Variants in DPP10 observed in about 807,000 individuals in gnomAD.
DPP10 encodes inactive dipeptidyl peptidase 10.
In DPP10, 33 loss-of-function variants were observed where a neutral mutation model predicts 120.9. That is an observed-to-expected ratio of 0.27 (90% CI 0.21 to 0.37). The LOEUF is 0.37. Among genes scored for constraint, DPP10 ranks in the 10% least tolerant of loss-of-function variants. DPP10 has a pLI of 1.00. For synonymous variants in DPP10, 337 were observed against 326.1 expected (o/e 1.03, Z -0.36); for missense variants, 816 against 942.8 (o/e 0.87, Z 1.76).
intron 5 of DPP10, among the ~76,000 whole-genome samples, chr2:115,536,822 G>A (rs925468902): frequency 6.6e-6 from 1 of 152,076 alleles, no homozygotes; most frequent in African/African-American, 2.4e-5. Flanking sequence ...CTAAGCTCAA[G>A]TCATTGAGAA....
At chr2:115,581,561 C>T (rs999121850) in intron 5 of DPP10, among the ~76,000 whole-genome samples, 1 of 152,044 alleles carries the variant, frequency 6.6e-6, no homozygotes, top group African/African-American at 2.4e-5. Context: ...AATAACTCTT[C>T]TAAATAAATA....
rs957008143 is a variant in DPP10, at chr2:114,832,895, C to T, written c.60+390057C>T. Among the ~76,000 whole-genome samples, 9 of 151,980 alleles carry T rather than the reference C, an allele frequency of 5.9e-5. No individual in the cohort carries two copies. The South Asian group carries it at 1.2e-3, about 21-fold the overall frequency. The stretch of plus-strand genomic sequence containing the variant: ...AATTTAAGTACTTTAAATGCTTATG[C>T]TTTGAATAAGAATAATTGCCATTTC... On this transcript the variant is annotated intron_variant, in intron 1 of 25. Transcript: ENST00000410059.
chr2:115,408,112 G>A (rs190760787), intron 3 of DPP10, among the ~76,000 whole-genome samples: 1 of 152,098 alleles, frequency 6.6e-6, no homozygotes, highest in Admixed American at 6.5e-5. Flanking sequence ...GCCATCCATG[G>A]GTGTTAAAGT....
At chr2:114,802,488 C>G (rs1168093401) in intron 1 of DPP10, among the ~76,000 whole-genome samples, 5 of 148,106 alleles carry the variant, frequency 3.4e-5, no homozygotes, top group Non-Finnish European at 5.9e-5. Context: ...CTATCCTCTT[C>G]CCTGCTCTCT....
intron 5 of DPP10, among the ~76,000 whole-genome samples, chr2:115,682,811 G>C (rs947169043): frequency 6.6e-6 from 1 of 151,762 alleles, no homozygotes; most frequent in Non-Finnish European, 1.5e-5. Flanking sequence ...TCATTAGGTT[G>C]TCAGCATTTA....
chr2:115,571,019 G>T (rs921025431), intron 5 of DPP10, among the ~76,000 whole-genome samples: 1 of 152,178 alleles, frequency 6.6e-6, no homozygotes. Context: ...AAATGCAGAG[G>T]CAGTCACTTG....
intron 7 of DPP10, among the ~76,000 whole-genome samples, chr2:115,708,183 T>C (rs1291617900): frequency 6.6e-6 from 1 of 151,944 alleles, no homozygotes; most frequent in Non-Finnish European, 1.5e-5. Flanking sequence ...AATGTTGGTA[T>C]GGTCTTTAAC....
At chr2:115,272,715 T>C (rs1010099324) in intron 1 of DPP10, among the ~76,000 whole-genome samples, 3 of 152,238 alleles carry the variant, frequency 2.0e-5, no homozygotes, top group Non-Finnish European at 1.5e-5. Context: ...AAATGTTGGA[T>C]CTTTCTGCCT....
At chr2:114,974,283 G>T (rs1178363396) in intron 1 of DPP10, among the ~76,000 whole-genome samples, 1 of 152,058 alleles carries the variant, frequency 6.6e-6, no homozygotes, top group Non-Finnish European at 1.5e-5. Flanking sequence ...GTTTAGGTAT[G>T]TTTAGATACA....
chr2:115,310,967 A>T (rs1315256644), intron 2 of DPP10, among the ~76,000 whole-genome samples: 3 of 152,114 alleles, frequency 2.0e-5, no homozygotes, highest in Non-Finnish European at 4.4e-5. Context: ...GGCCATAGTG[A>T]TATTTTGGTG....
intron 1 of DPP10, among the ~76,000 whole-genome samples, chr2:114,919,565 C>T (rs1375041388): frequency 6.6e-6 from 1 of 152,122 alleles, no homozygotes; most frequent in African/African-American, 2.4e-5. Flanking sequence ...ACGCAAGTTG[C>T]AACTGTATCC....
At chr2:114,713,717 G>T (rs141745951) in intron 1 of DPP10, among the ~76,000 whole-genome samples, 2,549 of 152,148 alleles carry the variant, frequency 0.017, 93 homozygotes, top group African/African-American at 0.059. Context: ...TTGGCTGGGC[G>T]CAGTGGCTCA....
chr2:115,447,662 G>C (rs1383346253), intron 3 of DPP10, among the ~76,000 whole-genome samples: 2 of 152,038 alleles, frequency 1.3e-5, no homozygotes, highest in Non-Finnish European at 2.9e-5. Context: ...CTGCTCTCTT[G>C]GTCTTTCCTG....
At chr2:115,656,907 C>T (rs144833487) in intron 5 of DPP10, among the ~76,000 whole-genome samples, 145 of 151,488 alleles carry the variant, frequency 9.6e-4, no homozygotes, top group African/African-American at 3.2e-3. Context: ...CCAGGGACTG[C>T]GTGAGGAGAA....
intron 21 of DPP10, among the ~76,000 whole-genome samples, chr2:115,832,791 G>A (rs1689067563): frequency 6.6e-6 from 1 of 152,058 alleles, no homozygotes; most frequent in South Asian, 2.1e-4. Context: ...GTGGGTCGGG[G>A]AGAGCACTGG....
intron 5 of DPP10, among the ~76,000 whole-genome samples, chr2:115,609,488 G>C (rs1227678012): frequency 6.6e-6 from 1 of 152,144 alleles, no homozygotes; most frequent in Non-Finnish European, 1.5e-5. Flanking sequence ...GTCCCAGAGA[G>C]TAACTAACCC....
At chr2:114,915,259 C>T (rs1433824910) in intron 1 of DPP10, among the ~76,000 whole-genome samples, 1 of 152,106 alleles carries the variant, frequency 6.6e-6, no homozygotes, top group Non-Finnish European at 1.5e-5. Flanking sequence ...TCAAAAAAGA[C>T]AAAGAAGAGC....
At chr2:115,174,967 C>T (rs2053597357) in intron 1 of DPP10, among the ~76,000 whole-genome samples, 1 of 152,108 alleles carries the variant, frequency 6.6e-6, no homozygotes, top group African/African-American at 2.4e-5. Context: ...AATAGCTTTT[C>T]TTTGGAGAAG....
chr2:114,645,662 T>C (rs530744139), intron 1 of DPP10, among the ~76,000 whole-genome samples: 19 of 152,214 alleles, frequency 1.2e-4, no homozygotes, highest in Admixed American at 2.0e-4. Context: ...GGCTCTACCC[T>C]GTCTGTTTGC....
Sources: gnomAD v4.1 joint callset for allele counts (sites outside exome capture counted in the v4.1 genomes callset) on GRCh38, gnomAD v4.1.1 for gene constraint, MANE v1.5 for transcripts, NCBI Gene and HGNC (gene_info 2026-07-23, HGNC 2026-07-21) for gene names.